Variants in WWOX observed in about 807,000 individuals in gnomAD.
The protein encoded by WWOX is WW domain containing oxidoreductase.
A neutral mutation model predicts 46.2 loss-of-function variants in WWOX; 69 were observed. The ratio of observed to expected loss-of-function variants is 1.49; its 90% CI spans 1.23 to 1.82. The LOEUF (loss-of-function observed/expected upper bound fraction) is 1.82. Ranked by LOEUF, WWOX falls within the 40% of genes most tolerant of loss-of-function variation. WWOX has a pLI of 0.00. For missense variants in WWOX, 919 were observed against 542.6 expected, an observed-to-expected ratio of 1.69 and a Z score of -6.89; for synonymous variants, 359 against 202.6, an observed-to-expected ratio of 1.77 and a Z score of -6.56.
rs75359087 is a variant in WWOX at position 78,690,532 on chromosome 16, A to G, written c.1056+257780A>G. ...GTGACACTGTACTGCAGCCTGGGCG[A>G]CAGAATGAGACCCTGTCTGAAAATT... is the stretch of plus-strand genomic sequence containing the variant. On this transcript the variant is annotated intron_variant, in intron 8 of 8. Coordinates refer to ENST00000566780, the MANE Select transcript of WWOX (RefSeq NM_016373.4). 1.1e-4 allele frequency among the ~76,000 whole-genome samples: 16 copies of G among 152,254 alleles called. No homozygotes were observed. The East Asian group carries it at 2.9e-3, about 28-fold the overall frequency.
intron 5 of WWOX, among the ~76,000 whole-genome samples, chr16:78,316,349 C>T (rs2080355561): frequency 6.6e-6 from 1 of 152,038 alleles, no homozygotes; most frequent in Admixed American, 6.6e-5. Flanking sequence ...GTGGAATGGC[C>T]AGGGAATTTA....
At chr16:79,129,941 C>T (rs1475705202) in intron 8 of WWOX, among the ~76,000 whole-genome samples, 3 of 152,142 alleles carry the variant, frequency 2.0e-5, no homozygotes, top group East Asian at 3.9e-4. Flanking sequence ...GGTCCCTTTA[C>T]CACTTTGCCA....
chr16:78,723,438 A>G (rs1038999546), intron 8 of WWOX, among the ~76,000 whole-genome samples: 8 of 139,354 alleles, frequency 5.7e-5, no homozygotes, highest in African/African-American at 2.2e-4. Context: ...TTATAAATGA[A>G]CTGAAGCCAC....
At position 78,312,332 on chromosome 16, in the gene WWOX, A is replaced by G. The variant is rs182578739; in HGVS notation, c.517-74528A>G. On this transcript the variant is annotated intron_variant, in intron 5 of 8. Coordinates refer to ENST00000566780, the MANE Select transcript of WWOX (RefSeq NM_016373.4). ...TCTCCGTTGAAAACTTCAAGTAAGG[A>G]AACACTTATATTGCTAGTGAGTGGC... Among the ~76,000 whole-genome samples the G allele has an allele frequency of 1.7e-3, 251 of 151,170 alleles. 2 individuals are homozygous for G. Among genetic ancestry groups the G allele is most frequent in the African/African-American group, 5.7e-3 (236 of 41,292 alleles).
At chr16:78,866,619 C>G (rs76116074) in intron 8 of WWOX, among the ~76,000 whole-genome samples, 2,261 of 152,264 alleles carry the variant, frequency 0.015, 60 homozygotes, top group African/African-American at 0.051. Flanking sequence ...TGGTGCATCC[C>G]CTGTGAGCCT....
At chr16:78,859,024 AAAAATATAT>A (rs2052645896) in intron 8 of WWOX, among the ~76,000 whole-genome samples, 1 of 33,172 alleles carries the variant, frequency 3.0e-5, no homozygotes, top group African/African-American at 1.5e-4. Context: ...AAAAAAAAAA[AAAAATATAT>A]ATATATATAT....
chr16:78,173,356 AT>A (rs2035224225), intron 5 of WWOX, among the ~76,000 whole-genome samples: 1 of 151,770 alleles, frequency 6.6e-6, no homozygotes, highest in Admixed American at 6.6e-5. Flanking sequence ...TGGCACAATG[AT>A]GGTTCACTGC....
In WWOX at chr16:78,992,879, G is replaced by A. The variant is rs1487382416; in HGVS notation, c.1057-218729G>A. 3.3e-5 allele frequency among the ~76,000 whole-genome samples: 5 copies of A among 151,558 alleles called. No individual in the cohort carries two copies. The South Asian group carries it at 6.2e-4, about 19-fold the overall frequency. On this transcript the variant is annotated intron_variant, in intron 8 of 8. Coordinates refer to ENST00000566780, the MANE Select transcript of WWOX (RefSeq NM_016373.4). ...GTAGGCAGTCAGGATTTAACGACCC[G>A]CAAATTTCCAATTTTTTAGTTTATG... is the stretch of plus-strand genomic sequence containing the variant.
At chr16:78,452,886 T>TATATATATATA (rs1567582114) in intron 8 of WWOX, among the ~76,000 whole-genome samples, 3 of 151,070 alleles carry the variant, frequency 2.0e-5, no homozygotes, top group African/African-American at 7.4e-5. Context: ...TATATACATA[T>TATATATATATA]TTTTGAGAGG....
intron 5 of WWOX, among the ~76,000 whole-genome samples, chr16:78,190,017 C>T (rs531941142): frequency 5.9e-5 from 9 of 152,136 alleles, no homozygotes; most frequent in African/African-American, 1.9e-4. Flanking sequence ...ATTGTGGCAG[C>T]TGTTATCTTG....
At chr16:78,529,488 A>G (rs1463327926) in intron 8 of WWOX, among the ~76,000 whole-genome samples, 1 of 151,646 alleles carries the variant, frequency 6.6e-6, no homozygotes, top group Non-Finnish European at 1.5e-5. Context: ...ATTTTTTGAG[A>G]TGGAGTCTTG....
intron 8 of WWOX, among the ~76,000 whole-genome samples, chr16:78,947,034 A>C (rs2045962480): frequency 6.8e-6 from 1 of 147,664 alleles, no homozygotes; most frequent in Admixed American, 6.9e-5. Context: ...GCCTCCGTAA[A>C]GGAGTAAGTT....
At chr16:78,699,604 C>A (rs552333852) in intron 8 of WWOX, among the ~76,000 whole-genome samples, 1 of 152,300 alleles carries the variant, frequency 6.6e-6, no homozygotes, top group South Asian at 2.1e-4. Flanking sequence ...TATGCTAACA[C>A]AGCAGCATTA....
intron 8 of WWOX, among the ~76,000 whole-genome samples, chr16:79,160,118 G>T (rs1046942879): frequency 1.3e-5 from 2 of 152,158 alleles, no homozygotes; most frequent in African/African-American, 2.4e-5. Context: ...AAATTCACTC[G>T]GCAAGAAGCC....
chr16:78,833,774 G>A (rs1238604094), intron 8 of WWOX, among the ~76,000 whole-genome samples: 1 of 152,230 alleles, frequency 6.6e-6, no homozygotes, highest in Non-Finnish European at 1.5e-5. Context: ...GGAAACTGAG[G>A]CATAAGAGGA....
chr16:78,647,399 G>A (rs1204861192), intron 8 of WWOX, among the ~76,000 whole-genome samples: 1 of 152,054 alleles, frequency 6.6e-6, no homozygotes, highest in Non-Finnish European at 1.5e-5. Context: ...TTGCTTCTGT[G>A]GGTCTCCAGG....
At chr16:78,853,596 T>C (rs2052500811) in intron 8 of WWOX, among the ~76,000 whole-genome samples, 1 of 152,202 alleles carries the variant, frequency 6.6e-6, no homozygotes, top group Admixed American at 6.5e-5. Flanking sequence ...TGTATTTTCT[T>C]CTCATCAAGG....
intron 8 of WWOX, among the ~76,000 whole-genome samples, chr16:79,133,945 G>A (rs1484067193): frequency 6.6e-6 from 1 of 152,112 alleles, no homozygotes; most frequent in African/African-American, 2.4e-5. Context: ...AGTGAATTCA[G>A]GCAAGTCCTC....
At chr16:78,655,959 G>T (rs963526777) in intron 8 of WWOX, among the ~76,000 whole-genome samples, 1 of 152,146 alleles carries the variant, frequency 6.6e-6, no homozygotes, top group Non-Finnish European at 1.5e-5. Context: ...ACAGCCTGGG[G>T]AGAAGCCTTG....
Sources: gnomAD v4.1 joint callset for allele counts (sites outside exome capture counted in the v4.1 genomes callset) on GRCh38, gnomAD v4.1.1 for gene constraint, MANE v1.5 for transcripts, NCBI Gene and HGNC (gene_info 2026-07-23, HGNC 2026-07-21) for gene names.